The following DCAF5 variants were observed in gnomAD, a reference collection of about 807,000 sequenced individuals.
The protein encoded by DCAF5 is DDB1 and CUL4 associated factor 5, also known as DDB1- and CUL4-associated factor 5.
DCAF5 carries 9 observed loss-of-function variants against 80.7 expected under a neutral mutation model. The observed-to-expected ratio is 0.11, with a 90% confidence interval of 0.07 to 0.19. The LOEUF is 0.19. Among genes scored for constraint, DCAF5 ranks in the 10% least tolerant of loss-of-function variants. DCAF5 has a pLI of 1.00. For missense variants in DCAF5, 842 were observed against 1,205.7 expected, an observed-to-expected ratio of 0.70 and a Z score of 4.47; for synonymous variants, 433 against 461.9, an observed-to-expected ratio of 0.94 and a Z score of 0.80.
At chr14:69,140,367 G>A (rs1437865620) in intron 1 of DCAF5, among the ~76,000 whole-genome samples, 1 of 152,160 alleles carries the variant, frequency 6.6e-6, no homozygotes, top group African/African-American at 2.4e-5. Context: ...GGCCACTTGA[G>A]GGGGCCAACT....
At chr14:69,072,518 G>A (rs1327716948) in intron 7 of DCAF5, among the ~76,000 whole-genome samples, 1 of 151,606 alleles carries the variant, frequency 6.6e-6, no homozygotes, top group Non-Finnish European at 1.5e-5. Flanking sequence ...TTAGGCAGGA[G>A]GATCGCTTTA....
intron 5 of DCAF5, among the ~76,000 whole-genome samples, chr14:69,094,438 C>T (rs796713511): frequency 5.9e-5 from 9 of 152,314 alleles, no homozygotes; most frequent in African/African-American, 2.2e-4. Flanking sequence ...GGGCAGGGAA[C>T]TCTGACCTCT....
At chr14:69,094,233 C>G (rs1450797661) in intron 5 of DCAF5, among the ~76,000 whole-genome samples, 2 of 152,132 alleles carry the variant, frequency 1.3e-5, no homozygotes, top group Non-Finnish European at 2.9e-5. Flanking sequence ...CTGGCAAACA[C>G]CCTTTCCATC....
At chr14:69,085,088 A>G (rs1484261079) in intron 6 of DCAF5, 1 of 958,106 alleles carries the variant, frequency 1.0e-6, no homozygotes, top group African/African-American at 1.6e-5. Flanking sequence ...AATTGATTCA[A>G]AAGAACTACT....
rs181143628 is a variant in DCAF5 at position 69,068,497 on chromosome 14, G to A, written c.947-5986C>T. On this transcript the variant is annotated intron_variant, in intron 7 of 8. Coordinates refer to ENST00000341516, the MANE Select transcript of DCAF5 (RefSeq NM_003861.3). ...GAGGATCACCTGAGGTCGGGAGTTC[G>A]AGACCAGCCTGACCAACATGGAGAA... Among the ~76,000 whole-genome samples the A allele has an allele frequency of 2.9e-3, 447 of 152,172 alleles. 2 individuals are homozygous for A. The highest frequency in any genetic ancestry group is 9.9e-3 in the African/African-American group (412 of 41,506).
intron 5 of DCAF5, among the ~76,000 whole-genome samples, chr14:69,107,913 G>C (rs2040220888): frequency 1.3e-5 from 2 of 152,180 alleles, no homozygotes; most frequent in African/African-American, 4.8e-5. Flanking sequence ...AGAGATTAAA[G>C]ATGAATAAAA....
rs778768908 is a variant in DCAF5, at chr14:69,152,904, C to G, written c.75G>C (p.Gly25=). The G allele has an allele frequency of 6.2e-7, 1 of 1,613,890 alleles. No homozygotes were observed. Among genetic ancestry groups the G allele is most frequent in the East Asian group, 2.2e-5 (1 of 44,862 alleles). ...GAAAGTCCTGAGTGAGCAGGGGGTCCCCATGCAAGCCCCGCTGGGACAAGA... is the reference window on the plus strand; with the variant it reads ...GAAAGTCCTGAGTGAGCAGGGGGTCGCCATGCAAGCCCCGCTGGGACAAGA... ...VGFLSQRGLH[G]DPLLTQDFQR... is the part of the protein sequence containing the mutation. Residue 25 remains glycine (G), a synonymous_variant, in exon 1 of 9, where the codon GGG becomes GGC. Coordinates refer to ENST00000341516, the MANE Select transcript of DCAF5 (RefSeq NM_003861.3). This position sits in a 1 kb window ranked among gnomAD's most constrained non-coding sequence, Gnocchi z 4.1.
At chr14:69,084,647 CA>C (rs1566740022) in intron 6 of DCAF5, 9 of 1,062,182 alleles carry the variant, frequency 8.5e-6, no homozygotes, top group South Asian at 2.8e-5. Context: ...TAAGAAGAAC[CA>C]AAAAAAGAAG....
intron 6 of DCAF5, among the ~76,000 whole-genome samples, chr14:69,081,400 G>A (rs2039097485): frequency 6.6e-6 from 1 of 152,130 alleles, no homozygotes; most frequent in South Asian, 2.1e-4. Context: ...TTTCCCAGCT[G>A]GCTACAAAGG....
intron 5 of DCAF5, among the ~76,000 whole-genome samples, chr14:69,092,530 G>A (rs983104729): frequency 4.6e-5 from 7 of 152,010 alleles, no homozygotes; most frequent in African/African-American, 1.5e-4. Flanking sequence ...AGGAGGGAGC[G>A]CCACTTGAGC....
intron 1 of DCAF5, among the ~76,000 whole-genome samples, chr14:69,123,462 A>G (rs1476826246): frequency 6.6e-6 from 1 of 152,246 alleles, no homozygotes; most frequent in African/African-American, 2.4e-5. Flanking sequence ...GAAGCTGTTT[A>G]TAGTGCCAAC....
intron 7 of DCAF5, 75 bp from the exon 8 acceptor site, chr14:69,062,586 A>C: frequency 6.4e-7 from 1 of 1,556,244 alleles, no homozygotes; most frequent in Non-Finnish European, 8.8e-7. Context: ...ATGGCAGATA[A>C]ACAGCTCTGA....
At chr14:69,069,474 T>C (rs1258914799) in intron 7 of DCAF5, among the ~76,000 whole-genome samples, 1 of 152,182 alleles carries the variant, frequency 6.6e-6, no homozygotes, top group Non-Finnish European at 1.5e-5. Flanking sequence ...CTTTTTCTTC[T>C]TTTGTAGACA....
chr14:69,098,481 T>C (rs1411255096), intron 5 of DCAF5, among the ~76,000 whole-genome samples: 1 of 152,214 alleles, frequency 6.6e-6, no homozygotes, highest in Non-Finnish European at 1.5e-5. Context: ...GATTATCTTT[T>C]ACATCTTTTC....
intron 2 of DCAF5, among the ~76,000 whole-genome samples, chr14:69,121,160 T>A (rs569037232): frequency 6.6e-6 from 1 of 152,164 alleles, no homozygotes; most frequent in Non-Finnish European, 1.5e-5. Context: ...GCCAGACAGA[T>A]AGATTGGGAT....
chr14:69,085,285 G>A, intron 6 of DCAF5: 2 of 717,458 alleles, frequency 2.8e-6, no homozygotes, highest in Non-Finnish European at 2.6e-6. Flanking sequence ...AAAGCGAGTA[G>A]GCAGTGGTGG....
At chr14:69,079,674 G>A (rs1369464469) in intron 6 of DCAF5, among the ~76,000 whole-genome samples, 1 of 152,124 alleles carries the variant, frequency 6.6e-6, no homozygotes, top group Admixed American at 6.5e-5. Flanking sequence ...AATATTTATT[G>A]AATGTCTAAT....
At position 69,145,731 on chromosome 14, in the gene DCAF5, A is replaced by ACT. The variant is rs1566792749; in HGVS notation, c.214+7033_214+7034insAG. On this transcript the variant is annotated intron_variant, in intron 1 of 8. Coordinates refer to ENST00000341516, the MANE Select transcript of DCAF5 (RefSeq NM_003861.3). ...GAACTGATTCCTTCTTAACTTAGGT[A>ACT]ATCTTCATCTGAATTAGGATTTTAT... 2.0e-5 allele frequency among the ~76,000 whole-genome samples: 3 copies of ACT among 152,324 alleles called. No individual in the cohort carries two copies. The East Asian group carries it at 5.8e-4, about 29-fold the overall frequency.
At chr14:69,059,930 T>C (rs2038142478) in intron 8 of DCAF5, among the ~76,000 whole-genome samples, 1 of 152,168 alleles carries the variant, frequency 6.6e-6, no homozygotes, top group Non-Finnish European at 1.5e-5. Flanking sequence ...CTCTTTTTCC[T>C]CTGAGAACTT....
Sources: gnomAD v4.1 joint callset for allele counts (sites outside exome capture counted in the v4.1 genomes callset) on GRCh38, gnomAD v4.1.1 for gene constraint, Gnocchi (gnomAD v3.1) non-coding constraint, MANE v1.5 for transcripts, NCBI Gene and HGNC (gene_info 2026-07-23, HGNC 2026-07-21) for gene names.